Variants in PRKAR1B observed in about 807,000 individuals in gnomAD.
PRKAR1B encodes protein kinase cAMP-dependent type I regulatory subunit beta.
In PRKAR1B, 22 loss-of-function variants were observed where a neutral mutation model predicts 46.5. That is an observed-to-expected ratio of 0.47 (90% CI 0.34 to 0.68). The LOEUF (loss-of-function observed/expected upper bound fraction) is 0.68, where lower values mean the gene tolerates loss of function less well. Among genes scored for constraint, PRKAR1B ranks in the 30% least tolerant of loss-of-function variants. The pLI is 0.01. For synonymous variants in PRKAR1B, 259 were observed against 217.7 expected (o/e 1.19, Z -1.67); for missense variants, 445 against 535.6 (o/e 0.83, Z 1.67).
intron 9 of PRKAR1B, among the ~76,000 whole-genome samples, chr7:571,664 C>T (rs1032146086): frequency 1.2e-4 from 19 of 152,314 alleles, no homozygotes; most frequent in Non-Finnish European, 1.9e-4. Context: ...AACCGGCTCC[C>T]GGGGTCCAGC....
chr7:580,744 C>CAAAAAAAAAAAAAAAAAAAAAAA, intron 8 of PRKAR1B, among the ~76,000 whole-genome samples: 1 of 117,328 alleles, frequency 8.5e-6, no homozygotes, highest in Non-Finnish European at 1.8e-5. Flanking sequence ...TCTTTTTTGA[C>CAAAAAAAAAAAAAAAAAAAAAAA]AAAAAAAAAA....
rs141617779 is a variant in PRKAR1B at position 618,007 on chromosome 7, T to G, written c.441-10555A>C. 2.0e-5 allele frequency among the ~76,000 whole-genome samples: 3 copies of G among 152,128 alleles called. No homozygotes were observed. The South Asian group carries it at 6.2e-4, about 32-fold the overall frequency. On this transcript the variant is annotated intron_variant, in intron 4 of 10. Coordinates refer to ENST00000537384, the MANE Select transcript of PRKAR1B (RefSeq NM_001164760.2). ...CAGGGAAGCAGAGGCCCCACCCACT[T>G]TCCCCCACCCTCCGCCTGGGACCCC...
In PRKAR1B at chr7:631,705, G is replaced by A. The variant is rs375107885; in HGVS notation, c.441-24253C>T. ...GCGGTGCCTCATGCCTGTCATCCCC[G>A]CACTTTGGGAGTCCGAGGAGAGGTT... is the stretch of plus-strand genomic sequence containing the variant. On this transcript the variant is annotated intron_variant, in intron 4 of 10. Transcript: ENST00000537384. Among the ~76,000 whole-genome samples, 21 of 152,184 alleles carry A rather than the reference G, an allele frequency of 1.4e-4. No individual in the cohort carries two copies. The East Asian group carries it at 1.7e-3, about 13-fold the overall frequency.
At position 602,861 on chromosome 7, in the gene PRKAR1B, C is replaced by G. The variant is rs555847942; in HGVS notation, c.549+3332G>C. On this transcript the variant is annotated intron_variant, in intron 6 of 10. Coordinates refer to ENST00000537384, the MANE Select transcript of PRKAR1B (RefSeq NM_001164760.2). This position sits in a 1 kb window ranked among gnomAD's most constrained non-coding sequence, Gnocchi z 6.4. ...ATGGAAATGGCACGGCTCAGCCACA[C>G]AAGGGCCTGGGCAAAGGTCACGGCC... Among the ~76,000 whole-genome samples the G allele has an allele frequency of 1.3e-5, 2 of 151,584 alleles. No homozygotes were observed. The highest frequency in any genetic ancestry group is 4.9e-5 in the African/African-American group (2 of 40,898).
At chr7:612,287 G>T (rs1562562492) in intron 4 of PRKAR1B, among the ~76,000 whole-genome samples, 1 of 150,260 alleles carries the variant, frequency 6.7e-6, no homozygotes, top group African/African-American at 2.5e-5. Flanking sequence ...TGGATAGATG[G>T]ATGGACGGAC....
chr7:670,119 C>T (rs984179449), intron 4 of PRKAR1B, among the ~76,000 whole-genome samples: 1 of 151,970 alleles, frequency 6.6e-6, no homozygotes, highest in Non-Finnish European at 1.5e-5. Context: ...CCACCCGCCT[C>T]GGCCTCCCAA....
intron 7 of PRKAR1B, among the ~76,000 whole-genome samples, chr7:590,602 T>TA (rs892277355): frequency 1.4e-4 from 22 of 152,158 alleles, no homozygotes; most frequent in Non-Finnish European, 4.4e-5. Context: ...CCCTCCCCGA[T>TA]ACCCAGGTCT....
chr7:657,486 T>C (rs1043649346), intron 4 of PRKAR1B, among the ~76,000 whole-genome samples: 1 of 152,204 alleles, frequency 6.6e-6, no homozygotes, highest in African/African-American at 2.4e-5. Context: ...TTAGACTCAA[T>C]TAACTCAGAG....
intron 2 of PRKAR1B, among the ~76,000 whole-genome samples, chr7:698,091 G>A (rs1411862243): frequency 7.4e-6 from 1 of 135,332 alleles, no homozygotes; most frequent in African/African-American, 2.8e-5. Context: ...CAGAGGGGAG[G>A]GGAGGGAAGG....
chr7:727,243 C>T lies in PRKAR1B; in HGVS notation c.-56G>A. 4 of 1,349,738 alleles carry T rather than the reference C, an allele frequency of 3.0e-6. No individual in the cohort carries two copies. Among genetic ancestry groups the T allele is most frequent in the Non-Finnish European group, 3.8e-6 (4 of 1,053,730 alleles). The allele number at this position is 1,349,738 out of a possible 1,614,324, so 83.6% of individuals were successfully genotyped here. A position where few individuals can be genotyped will look rare whatever the true frequency, so the allele number is the denominator to read the frequency against. On this transcript the variant is annotated 5_prime_UTR_variant, in exon 1 of 11. Transcript: ENST00000537384. The stretch of plus-strand genomic sequence containing the variant: ...CGCTCTGCGCGCGCTGCGCTGCTCC[C>T]TGCTCGACCCCTTCGCCGCCGTGCG...
chr7:578,316 G>A (rs1275665618), intron 9 of PRKAR1B, among the ~76,000 whole-genome samples: 1 of 152,236 alleles, frequency 6.6e-6, no homozygotes, highest in Non-Finnish European at 1.5e-5. Context: ...ACCACGGACT[G>A]CGGCCCCAGC....
At chr7:574,672 G>A (rs1583227969) in intron 9 of PRKAR1B, among the ~76,000 whole-genome samples, 6 of 152,324 alleles carry the variant, frequency 3.9e-5, no homozygotes, top group Admixed American at 3.9e-4. Flanking sequence ...TTGAAGTCCT[G>A]ACCTCAAGTG....
chr7:634,899 C>G lies in PRKAR1B; in HGVS notation c.441-27447G>C, dbSNP rs1427901331. On this transcript the variant is annotated intron_variant, in intron 4 of 10. Transcript: ENST00000537384. ...AAGCGATCCGCCCACCTCAGCCTCC[C>G]AAAGTGCTGGGATCACAGGTGTGAG... Among the ~76,000 whole-genome samples the G allele has an allele frequency of 2.0e-5, 3 of 152,140 alleles. No homozygotes were observed. In the East Asian group the frequency reaches 5.8e-4, roughly 29 times the overall value.
At chr7:647,763 C>G in intron 4 of PRKAR1B, among the ~76,000 whole-genome samples, 1 of 143,468 alleles carries the variant, frequency 7.0e-6, no homozygotes. Flanking sequence ...GCCGAGATCG[C>G]ACCACTGCAC....
intron 4 of PRKAR1B, among the ~76,000 whole-genome samples, chr7:646,312 G>A (rs1489737895): frequency 6.6e-6 from 1 of 152,234 alleles, no homozygotes; most frequent in Non-Finnish European, 1.5e-5. Context: ...CCAAAGTGCT[G>A]GGATTACAGG....
rs796344686 is a variant in PRKAR1B, at chr7:583,393, AC to A, written c.769+1114del. 1.5e-3 allele frequency among the ~76,000 whole-genome samples: 76 copies of A among 52,312 alleles called. 3 individuals are homozygous for A. Among genetic ancestry groups the A allele is most frequent in the African/African-American group, 3.1e-3 (31 of 9,960 alleles). The allele number at this position is 52,312 out of a possible 152,430, so 34.3% of individuals were successfully genotyped here. Reference sequence around the variant, plus strand: ...CCCACTCACACATGTGCACACTCACACCCCCCACACGTGTGCACACCCACGC... The same window carrying A: ...CCCACTCACACATGTGCACACTCACACCCCCACACGTGTGCACACCCACGC... On this transcript the variant is annotated intron_variant, in intron 8 of 10. Coordinates refer to ENST00000537384, the MANE Select transcript of PRKAR1B (RefSeq NM_001164760.2).
chr7:601,631 C>A (rs1380301826), intron 6 of PRKAR1B, among the ~76,000 whole-genome samples: 1 of 152,224 alleles, frequency 6.6e-6, no homozygotes, highest in African/African-American at 2.4e-5. Flanking sequence ...CCCGGCCCCG[C>A]CGGGCACTCC....
intron 7 of PRKAR1B, among the ~76,000 whole-genome samples, chr7:592,377 C>T (rs959715987): frequency 2.6e-5 from 4 of 152,248 alleles, no homozygotes; most frequent in Non-Finnish European, 5.9e-5. Context: ...CGTCCCTTCC[C>T]GGCCCCATTG....
At chr7:581,883 CT>C (rs1780205418) in intron 8 of PRKAR1B, among the ~76,000 whole-genome samples, 1 of 151,890 alleles carries the variant, frequency 6.6e-6, no homozygotes, top group African/African-American at 2.4e-5. Flanking sequence ...ACCCGGCTAA[CT>C]TTTTAAAAAT....
Sources: allele counts gnomAD v4.1 joint callset (sites outside exome capture counted in the v4.1 genomes callset), GRCh38; gene constraint gnomAD v4.1.1; non-coding constraint Gnocchi (gnomAD v3.1); transcripts MANE v1.5; gene names NCBI Gene and HGNC (gene_info 2026-07-23, HGNC 2026-07-21).